Variants in LHFPL4 observed in about 807,000 individuals in gnomAD.
The protein encoded by LHFPL4 is LHFPL tetraspan subfamily member 4 protein.
In LHFPL4, 6 loss-of-function variants were observed where a neutral mutation model predicts 20.0. That is an observed-to-expected ratio of 0.30 (90% CI 0.16 to 0.59). LHFPL4 has a LOEUF of 0.59. Among genes scored for constraint, LHFPL4 ranks in the 20% least tolerant of loss-of-function variants. LHFPL4 has a pLI of 0.88. For synonymous variants in LHFPL4, 129 were observed against 143.8 expected, an observed-to-expected ratio of 0.90 and a Z score of 0.74; for missense variants, 215 against 331.2, an observed-to-expected ratio of 0.65 and a Z score of 2.72.
chr3:9,544,401 G>C (rs926209248), intron 2 of LHFPL4, among the ~76,000 whole-genome samples: 23 of 152,178 alleles, frequency 1.5e-4, no homozygotes, highest in African/African-American at 5.5e-4. Context: ...GAGGTAGGTG[G>C]ATCACCCAAG....
At chr3:9,514,106 T>C (rs1227239263) in intron 2 of LHFPL4, among the ~76,000 whole-genome samples, 9 of 152,108 alleles carry the variant, frequency 5.9e-5, no homozygotes, top group Non-Finnish European at 1.0e-4. Flanking sequence ...TTGAATAGGG[T>C]ACAGTTGTAT....
In LHFPL4 at chr3:9,552,435, G is replaced by A. The variant is rs1373826411; in HGVS notation, c.245C>T (p.Thr82Ile). The part of the protein sequence containing the change: ...GRELTCRGSF[T>I]DFSTIPSSAF... Reference sequence around the variant, plus strand: ...GCTGGACGGGATGGTGCTGAAGTCGGTGAAGGAGCCCCGGCAGGTGAGCTC... The same window carrying A: ...GCTGGACGGGATGGTGCTGAAGTCGATGAAGGAGCCCCGGCAGGTGAGCTC... The change falls in exon 2 of 4, where the codon ACC (threonine) becomes ATC (isoleucine). Residue 82 changes from threonine (T) to isoleucine (I), a missense_variant. Thr to Ile is a moderately conservative substitution (Grantham distance 89). Around this residue, in one of 2 missense-constraint regions of LHFPL4, gnomAD observed 164 missense variants for 286.7 expected, o/e 0.57. Transcript: ENST00000287585. 3 of 1,613,576 alleles carry A rather than the reference G, an allele frequency of 1.9e-6. No homozygotes were observed. The highest frequency in any genetic ancestry group is 2.7e-5 in the African/African-American group (2 of 75,062).
chr3:9,551,338 A>G (rs1446389466), intron 2 of LHFPL4, among the ~76,000 whole-genome samples: 1 of 79,606 alleles, frequency 1.3e-5, no homozygotes, highest in African/African-American at 4.8e-5. Flanking sequence ...CTCCTCCCCC[A>G]CCCCTCCCAT....
intron 2 of LHFPL4, among the ~76,000 whole-genome samples, chr3:9,535,785 T>C (rs1559521547): frequency 6.6e-6 from 1 of 151,778 alleles, no homozygotes; most frequent in Admixed American, 6.6e-5. Context: ...TTGCTTGCTT[T>C]CCTATATTTT....
chr3:9,553,154 A>G (rs777572217), intron 1 of LHFPL4, among the ~76,000 whole-genome samples: 1 of 150,808 alleles, frequency 6.6e-6, no homozygotes, highest in Non-Finnish European at 1.5e-5. Context: ...GAATTTGGGG[A>G]CTGGTATTAA....
chr3:9,551,314 TC>T (rs1367003334), intron 2 of LHFPL4, among the ~76,000 whole-genome samples: 2 of 152,262 alleles, frequency 1.3e-5, no homozygotes, highest in Admixed American at 6.5e-5. Context: ...TCCAAACTTT[TC>T]CCTTCACTAG....
chr3:9,550,117 C>T (rs1015707674), intron 2 of LHFPL4, among the ~76,000 whole-genome samples: 1 of 152,198 alleles, frequency 6.6e-6, no homozygotes, highest in Admixed American at 6.5e-5. Flanking sequence ...AAAAGGCTTA[C>T]TTAACACTGC....
At chr3:9,505,712 C>G (rs929799634) in intron 3 of LHFPL4, among the ~76,000 whole-genome samples, 1 of 152,184 alleles carries the variant, frequency 6.6e-6, no homozygotes, top group African/African-American at 2.4e-5. Flanking sequence ...GCGTGAGCCA[C>G]CGTGCCCAGC....
Position 9,552,831 on chromosome 3 carries a change from G to A in LHFPL4, c.-152C>T, listed in dbSNP as rs1459682315. Reference sequence around the variant, plus strand: ...GAGGGCGGGGCCTGGGGCAGAGCTGGGGGCGTCTGGGAGCTGCTAAGGGAG... The same window carrying A: ...GAGGGCGGGGCCTGGGGCAGAGCTGAGGGCGTCTGGGAGCTGCTAAGGGAG... On this transcript the variant is annotated 5_prime_UTR_variant, in exon 2 of 4. Transcript: ENST00000287585. The A allele has an allele frequency of 2.2e-5, 5 of 231,692 alleles. No individual in the cohort carries two copies. The highest frequency in any genetic ancestry group is 3.0e-5 in the Non-Finnish European group (4 of 134,308). The allele number at this position is 231,692 out of a possible 1,614,324, so 14.4% of individuals were successfully genotyped here.
intron 2 of LHFPL4, among the ~76,000 whole-genome samples, chr3:9,523,130 GCA>G: frequency 3.5e-5 from 5 of 142,542 alleles, no homozygotes; most frequent in Admixed American, 7.0e-5. Flanking sequence ...AAGCAAGCAA[GCA>G]AGCGAGCCAG....
intron 2 of LHFPL4, among the ~76,000 whole-genome samples, chr3:9,512,500 A>AT (rs1341825460): frequency 1.3e-5 from 2 of 152,120 alleles, no homozygotes; most frequent in Admixed American, 6.6e-5. Context: ...AGGTAAGTTT[A>AT]TTTTTTTGCA....
intron 3 of LHFPL4, among the ~76,000 whole-genome samples, chr3:9,505,203 G>A (rs1352179552): frequency 6.6e-6 from 1 of 152,166 alleles, no homozygotes; most frequent in South Asian, 2.1e-4. Flanking sequence ...TCAGATCTGA[G>A]GCAGAACATC....
chr3:9,506,296 T>C lies in LHFPL4; in HGVS notation c.407-93A>G, dbSNP rs776024110. ...TGTCCGCAGTCTGGGCCCCACCCTA[T>C]TGAGGGCACATCAACCCAACCACGT... is the stretch of plus-strand genomic sequence containing the variant. On this transcript the variant is annotated intron_variant, in intron 2 of 3. Transcript: ENST00000287585. The surrounding 1 kb of genome is among the most constrained non-coding windows in gnomAD (Gnocchi z 4.5). The C allele has an allele frequency of 1.8e-5, 18 of 1,000,348 alleles. No homozygotes were observed. Among genetic ancestry groups the C allele is most frequent in the South Asian group, 8.4e-5 (6 of 71,730 alleles). 62.0% of individuals were successfully genotyped at this position (1,000,348 alleles called of 1,614,324 possible).
chr3:9,528,757 A>G (rs1384620023), intron 2 of LHFPL4, among the ~76,000 whole-genome samples: 1 of 151,826 alleles, frequency 6.6e-6, no homozygotes, highest in Non-Finnish European at 1.5e-5. Flanking sequence ...CTGGGATTAC[A>G]GGCGTGTGCC....
At chr3:9,532,092 C>T (rs1442166797) in intron 2 of LHFPL4, among the ~76,000 whole-genome samples, 1 of 151,892 alleles carries the variant, frequency 6.6e-6, no homozygotes, top group Non-Finnish European at 1.5e-5. Flanking sequence ...GTGGCACAAT[C>T]GCGGCTCACT....
In LHFPL4 at chr3:9,552,464, G is replaced by A. The variant is rs756217548; in HGVS notation, c.216C>T (p.Gly72=). 1.9e-6 allele frequency: 3 copies of A among 1,612,966 alleles called. No individual in the cohort carries two copies. The Admixed American group carries it at 5.0e-5, about 27-fold the overall frequency. Residue 72 remains glycine, a synonymous_variant, in exon 2 of 4, where the codon GGC becomes GGT. Coordinates refer to ENST00000287585, the MANE Select transcript of LHFPL4 (RefSeq NM_198560.3). Reference sequence around the variant, plus strand: ...AGGAGCCCCGGCAGGTGAGCTCGCGGCCCGCCAGCCCGCTGCCCACGCAGT... The same window carrying A: ...AGGAGCCCCGGCAGGTGAGCTCGCGACCCGCCAGCCCGCTGCCCACGCAGT... ...FHYCVGSGLA[G]RELTCRGSFT...
At chr3:9,504,262 C>T (rs954360359) in intron 3 of LHFPL4, among the ~76,000 whole-genome samples, 10 of 151,668 alleles carry the variant, frequency 6.6e-5, no homozygotes, top group Non-Finnish European at 1.5e-4. Flanking sequence ...ATCCCAGGTA[C>T]TCAAGAGCAA....
chr3:9,507,976 G>A (rs1005471405), intron 2 of LHFPL4, among the ~76,000 whole-genome samples: 1 of 152,208 alleles, frequency 6.6e-6, no homozygotes, highest in Non-Finnish European at 1.5e-5. Flanking sequence ...AAAGGTTCCA[G>A]AGGGCTCTGT....
chr3:9,529,643 AT>A (rs569913289), intron 2 of LHFPL4, among the ~76,000 whole-genome samples: 2 of 149,954 alleles, frequency 1.3e-5, no homozygotes, highest in African/African-American at 4.9e-5. Context: ...TTATTTATTT[AT>A]TTTTTTTTGA....
Sources: allele counts gnomAD v4.1 joint callset (sites outside exome capture counted in the v4.1 genomes callset), GRCh38; gene constraint gnomAD v4.1.1; regional missense constraint gnomAD v4.1.1; non-coding constraint Gnocchi (gnomAD v3.1); transcripts MANE v1.5; gene names NCBI Gene and HGNC (gene_info 2026-07-23, HGNC 2026-07-21).